The following FBXO38 variants were observed in gnomAD, a reference collection of about 807,000 sequenced individuals.
FBXO38 encodes the protein F-box only protein 38.
Under a neutral mutation model 131.9 loss-of-function variants are expected in FBXO38, and 53 were observed. The ratio of observed to expected loss-of-function variants is 0.40; its 90% CI spans 0.32 to 0.51. FBXO38 has a LOEUF of 0.51. FBXO38 is among the 20% of genes least tolerant of loss of function. The pLI, the probability that FBXO38 is intolerant of heterozygous loss-of-function variation, is 0.53. For synonymous variants in FBXO38, 452 were observed against 505.6 expected, an observed-to-expected ratio of 0.89 and a Z score of 1.42; for missense variants, 1,076 against 1,475.6, an observed-to-expected ratio of 0.73 and a Z score of 4.44.
At chr5:148,409,265 T>C (rs1245437083) in intron 8 of FBXO38, 48 bp downstream of exon 8, 1 of 1,231,114 alleles carries the variant, frequency 8.1e-7, no homozygotes, top group Non-Finnish European at 1.2e-6. Flanking sequence ...AGTAATTATG[T>C]TTTTCCCTAT....
intron 1 of FBXO38, among the ~76,000 whole-genome samples, chr5:148,392,581 T>TTGTGTGTGTGTG (rs55667300): frequency 0.011 from 1,562 of 141,900 alleles, 15 homozygotes; most frequent in African/African-American, 0.026. Flanking sequence ...TTGCTTTTCT[T>TTGTGTGTGTGTG]TGTGTGTGTG....
intron 15 of FBXO38, among the ~76,000 whole-genome samples, chr5:148,432,060 T>C (rs1280940792): frequency 6.6e-6 from 1 of 152,232 alleles, no homozygotes; most frequent in African/African-American, 2.4e-5. Context: ...AATTTCCTTG[T>C]CTTTTTTTGT....
intron 21 of FBXO38, 93 bp from the exon 22 acceptor site, chr5:148,441,876 T>C (rs1457243404): frequency 1.0e-6 from 1 of 998,852 alleles, no homozygotes; most frequent in African/African-American, 1.6e-5. Flanking sequence ...TATAGTGCAG[T>C]ATATGGGACT....
intron 11 of FBXO38, among the ~76,000 whole-genome samples, 183 bp downstream of exon 11, chr5:148,416,253 A>G (rs1561530706): frequency 6.6e-6 from 1 of 152,088 alleles, no homozygotes; most frequent in African/African-American, 2.4e-5. Context: ...ATTCTTCTAA[A>G]TGAGAATTAA....
intron 17 of FBXO38, among the ~76,000 whole-genome samples, chr5:148,436,922 A>G (rs376690204): frequency 6.6e-6 from 1 of 152,234 alleles, no homozygotes; most frequent in East Asian, 1.9e-4. Context: ...AGATTGTAAC[A>G]GTAGGGGTAC....
At chr5:148,425,416 A>G (rs890423977) in intron 13 of FBXO38, 106 bp from the exon 14 acceptor site, 1 of 840,360 alleles carries the variant, frequency 1.2e-6, no homozygotes, top group East Asian at 2.5e-5. Flanking sequence ...GAGGCTGTAT[A>G]GAGCCACAAA....
chr5:148,410,866 C>A, intron 9 of FBXO38, 101 bp downstream of exon 9: 1 of 1,127,080 alleles, frequency 8.9e-7, no homozygotes, highest in Non-Finnish European at 1.2e-6. Flanking sequence ...GAACATAAGA[C>A]AACTTAAAAT....
intron 7 of FBXO38, among the ~76,000 whole-genome samples, chr5:148,408,667 G>T: frequency 6.6e-6 from 1 of 152,238 alleles, no homozygotes; most frequent in East Asian, 1.9e-4. Context: ...AGATAAATCA[G>T]TCATTTCTTT....
At chr5:148,441,492 A>G (rs775391295) in intron 21 of FBXO38, 3 of 310,948 alleles carry the variant, frequency 9.6e-6, no homozygotes, top group Non-Finnish European at 1.7e-5. Context: ...TATTACCTAA[A>G]TATTTATAAT....
chr5:148,419,988 ATTATC>A (rs1040598351), intron 12 of FBXO38, among the ~76,000 whole-genome samples: 55 of 149,800 alleles, frequency 3.7e-4, no homozygotes, highest in African/African-American at 1.3e-3. Context: ...TTGGCAGGAT[ATTATC>A]TTAAGTTTGT....
chr5:148,401,857 A>T, intron 3 of FBXO38, 125 bp from the exon 4 acceptor site: 1 of 776,732 alleles, frequency 1.3e-6, no homozygotes, highest in Non-Finnish European at 2.0e-6. Context: ...ATTCAGCTTT[A>T]GTGTTAGCTT....
chr5:148,384,294 C>G (rs1561505181), intron 1 of FBXO38, among the ~76,000 whole-genome samples: 1 of 152,210 alleles, frequency 6.6e-6, no homozygotes, highest in African/African-American at 2.4e-5. Flanking sequence ...AAAGAACTCT[C>G]TCTGGGCCCC....
chr5:148,399,700 C>T (rs1484672805), intron 3 of FBXO38, among the ~76,000 whole-genome samples: 1 of 151,986 alleles, frequency 6.6e-6, no homozygotes, highest in African/African-American at 2.4e-5. Flanking sequence ...AAGAGACCAC[C>T]TGAAAAGAAA....
At chr5:148,418,630 T>C (rs911698053) in intron 12 of FBXO38, among the ~76,000 whole-genome samples, 3 of 152,182 alleles carry the variant, frequency 2.0e-5, no homozygotes, top group Admixed American at 6.5e-5. Context: ...AGTGCTATGG[T>C]ACATAGTACA....
chr5:148,406,288 A>T lies in FBXO38; in HGVS notation c.762A>T (p.Leu254Phe). 1 of 1,593,874 alleles carries T rather than the reference A, an allele frequency of 6.3e-7. No homozygotes were observed. Among genetic ancestry groups the T allele is most frequent in the South Asian group, 1.2e-5 (1 of 86,624 alleles). The change falls in exon 7 of 22, where the codon TTA (leucine) becomes TTT (phenylalanine). Residue 254 changes from leucine (L) to phenylalanine (F), a missense_variant. Leu to Phe is a conservative substitution (Grantham distance 22). Transcript: ENST00000340253. Reference sequence around the variant, plus strand: ...CAAATTCCTTGAAATATGTCCCTTTAGTAACAGGCTTAGCCTCTGCCCGAA... The same window carrying T: ...CAAATTCCTTGAAATATGTCCCTTTTGTAACAGGCTTAGCCTCTGCCCGAA... ...GPTNSLKYVP[L>F]VTGLASARNL...
At position 148,397,864 on chromosome 5, in the gene FBXO38, A is replaced by G. The variant is rs12518558; in HGVS notation, c.129-1135A>G. Among the ~76,000 whole-genome samples, 806 of 152,330 alleles carry G rather than the reference A, an allele frequency of 5.3e-3. 5 individuals are homozygous for G. Among genetic ancestry groups the G allele is most frequent in the Admixed American group, 8.2e-3 (125 of 15,298 alleles). The stretch of plus-strand genomic sequence containing the variant: ...ATAATAGTGTATACTATGTCAGTGA[A>G]GTGCCAGCAGATAACAGAAAATACA... On this transcript the variant is annotated intron_variant, in intron 2 of 21. Coordinates refer to ENST00000340253, the MANE Select transcript of FBXO38 (RefSeq NM_205836.3).
chr5:148,424,888 G>A (rs556116358), intron 13 of FBXO38, among the ~76,000 whole-genome samples: 7 of 152,296 alleles, frequency 4.6e-5, no homozygotes, highest in African/African-American at 1.7e-4. Context: ...TTTATTGATG[G>A]AGCTAATATT....
At chr5:148,435,568 A>G (rs773690344) in intron 17 of FBXO38, among the ~76,000 whole-genome samples, 61 of 152,286 alleles carry the variant, frequency 4.0e-4, no homozygotes, top group African/African-American at 1.3e-3. Flanking sequence ...TCAGGAGATC[A>G]AGACCATCCT....
Position 148,440,505 on chromosome 5 carries a change from G to A in FBXO38, c.3252G>A (p.Gly1084=). 1 of 1,604,184 alleles carries A rather than the reference G, an allele frequency of 6.2e-7. No individual in the cohort carries two copies. The highest frequency in any genetic ancestry group is 1.3e-5 in the African/African-American group (1 of 74,786). ...AGAAATACCCCAAGTACCCCTGGGG[G>A]AGAGAAATCTATACTTTAGAAGGTG... is the stretch of plus-strand genomic sequence containing the variant. ...DLKKYPKYPW[G]REIYTLEGVV... is the part of the protein sequence containing the mutation. The change falls in exon 20 of 22, where the codon GGG becomes GGA. Residue 1084 remains glycine, a synonymous_variant. Coordinates refer to ENST00000340253, the MANE Select transcript of FBXO38 (RefSeq NM_205836.3).
Sources: allele counts gnomAD v4.1 joint callset (sites outside exome capture counted in the v4.1 genomes callset), GRCh38; gene constraint gnomAD v4.1.1; transcripts MANE v1.5; gene names NCBI Gene and HGNC (gene_info 2026-07-23, HGNC 2026-07-21).